Variants in DRC9 observed in about 807,000 individuals in gnomAD.
The protein encoded by DRC9 is dynein regulatory complex protein 9.
the DRC9 span, among the ~76,000 whole-genome samples, chr3:197,928,152 C>G: frequency 6.6e-6 from 1 of 152,172 alleles, no homozygotes; most frequent in South Asian, 2.1e-4. Flanking sequence ...CATAATCCCA[C>G]TATCTGGAGT....
At chr3:197,899,431 TAA>T in the DRC9 span, among the ~76,000 whole-genome samples, 1 of 152,000 alleles carries the variant, frequency 6.6e-6, no homozygotes, top group Non-Finnish European at 1.5e-5. Flanking sequence ...AAACACAAAG[TAA>T]AAGTCTAGGC....
chr3:197,948,250 A>G, the DRC9 span, among the ~76,000 whole-genome samples: 1 of 152,158 alleles, frequency 6.6e-6, no homozygotes, highest in African/African-American at 2.4e-5. Context: ...TGTTTTAAAA[A>G]GTATTCTTAT....
At chr3:197,932,947 ATATTATATAT>A in the DRC9 span, among the ~76,000 whole-genome samples, 29 of 115,222 alleles carry the variant, frequency 2.5e-4, no homozygotes, top group Non-Finnish European at 4.4e-4. Context: ...TGTATAATAT[ATATTATATAT>A]TATTATATAT....
the DRC9 span, among the ~76,000 whole-genome samples, chr3:197,911,598 C>T: frequency 6.6e-6 from 1 of 152,024 alleles, no homozygotes; most frequent in Non-Finnish European, 1.5e-5. Flanking sequence ...TTTTAAAAAT[C>T]TTCACTCAAC....
the DRC9 span, chr3:197,938,475 A>G: frequency 3.8e-6 from 4 of 1,056,142 alleles, no homozygotes; most frequent in African/African-American, 6.3e-5. Context: ...GATAGCAGTC[A>G]GCCACCTGGG....
At chr3:197,892,831 T>C in the DRC9 span, 62 of 1,571,074 alleles carry the variant, frequency 3.9e-5, no homozygotes, top group South Asian at 1.0e-4. Flanking sequence ...ATTCCACTTA[T>C]ACGAGTTTCA....
At chr3:197,922,969 TA>T in the DRC9 span, among the ~76,000 whole-genome samples, 1 of 152,132 alleles carries the variant, frequency 6.6e-6, no homozygotes, top group African/African-American at 2.4e-5. Flanking sequence ...AAGTAGTTTT[TA>T]AAAAATATAA....
the DRC9 span, among the ~76,000 whole-genome samples, chr3:197,895,048 C>A: frequency 1.3e-5 from 2 of 151,854 alleles, no homozygotes; most frequent in Admixed American, 1.3e-4. Flanking sequence ...TGGAATGAAA[C>A]CCAGTCTCTT....
At chr3:197,905,205 A>G in the DRC9 span, among the ~76,000 whole-genome samples, 1 of 152,190 alleles carries the variant, frequency 6.6e-6, no homozygotes, top group Non-Finnish European at 1.5e-5. Context: ...ATTTAATTGT[A>G]AATTTAAAAA....
the DRC9 span, chr3:197,938,820 G>C: frequency 7.1e-7 from 1 of 1,415,694 alleles, no homozygotes. Flanking sequence ...TTTTTTTAAA[G>C]AGACAATACA....
chr3:197,938,990 C>A, the DRC9 span: 23 of 564,140 alleles, frequency 4.1e-5, 1 homozygote, highest in South Asian at 4.7e-4. Flanking sequence ...CCCCAACTTA[C>A]CACCTGGTAC....
chr3:197,945,325 C>T, the DRC9 span, among the ~76,000 whole-genome samples: 2 of 152,190 alleles, frequency 1.3e-5, no homozygotes. Context: ...AACTTGCCAG[C>T]TCTGTCAATG....
chr3:197,951,397 A>G, the DRC9 span: 125 of 1,442,552 alleles, frequency 8.7e-5, no homozygotes, highest in Middle Eastern at 1.7e-4. Context: ...TCTGTTGCCG[A>G]GGCTGGAATG....
the DRC9 span, among the ~76,000 whole-genome samples, chr3:197,906,868 C>T: frequency 6.6e-6 from 1 of 152,182 alleles, no homozygotes; most frequent in African/African-American, 2.4e-5. Flanking sequence ...TGATTCAAAT[C>T]AGGTTTCTGG....
At chr3:197,959,345 A>C in the DRC9 span, 5 of 152,218 alleles carry the variant, frequency 3.3e-5, no homozygotes, top group Non-Finnish European at 7.3e-5. Flanking sequence ...CTAAGTTACA[A>C]ATGTGGTTTG....
chr3:197,938,534 TCTTC>T, the DRC9 span: 2 of 1,586,896 alleles, frequency 1.3e-6, no homozygotes, highest in African/African-American at 1.3e-5. Flanking sequence ...CTGCCAAATG[TCTTC>T]CTTCCTTACC....
chr3:197,957,871 CGTAAAGT>C, the DRC9 span: 2 of 152,038 alleles, frequency 1.3e-5, no homozygotes, highest in African/African-American at 4.8e-5. Context: ...AACATAAAAC[CGTAAAGT>C]GTAGAGGAAG....
At chr3:197,955,827 G>C in the DRC9 span, 1 of 1,432,528 alleles carries the variant, frequency 7.0e-7, no homozygotes, top group South Asian at 1.1e-5. Context: ...ATTTTTAAGT[G>C]GATTAAAAAA....
chr3:197,932,260 C>T, the DRC9 span: 20 of 1,612,822 alleles, frequency 1.2e-5, no homozygotes, highest in Middle Eastern at 3.3e-4. Flanking sequence ...CCGAATCTTG[C>T]AACTCCTTAA....
Sources: allele counts gnomAD v4.1 joint callset (sites outside exome capture counted in the v4.1 genomes callset), GRCh38; gene constraint gnomAD v4.1.1; transcripts MANE v1.5; gene names NCBI Gene and HGNC (gene_info 2026-07-23, HGNC 2026-07-21).